The following FBXO21 variants were observed in gnomAD, a reference collection of about 807,000 sequenced individuals.
FBXO21 encodes the protein F-box only protein 21.
In FBXO21, 32 loss-of-function variants were observed where a neutral mutation model predicts 76.6. The ratio of observed to expected loss-of-function variants is 0.42; its 90% CI spans 0.32 to 0.56. FBXO21 has a LOEUF of 0.56. Among genes scored for constraint, FBXO21 ranks in the 20% least tolerant of loss-of-function variants. FBXO21 has a pLI of 0.16. For missense variants in FBXO21, 586 were observed against 797.3 expected, an observed-to-expected ratio of 0.73 and a Z score of 3.19; for synonymous variants, 328 against 311.5, an observed-to-expected ratio of 1.05 and a Z score of -0.56.
chr12:117,159,307 GT>G (rs1384744171), intron 9 of FBXO21, among the ~76,000 whole-genome samples: 11 of 125,128 alleles, frequency 8.8e-5, no homozygotes, highest in African/African-American at 2.9e-4. Flanking sequence ...GGAGGATTAG[GT>G]GGAAAAAAAA....
intron 10 of FBXO21, among the ~76,000 whole-genome samples, chr12:117,157,190 AAAAAAAAG>A (rs1468010019): frequency 1.3e-5 from 2 of 152,180 alleles, no homozygotes; most frequent in East Asian, 1.9e-4. Context: ...CAAAGAAAAA[AAAAAAAAG>A]AAAAAAAGAA....
chr12:117,178,170 A>G (rs113550184), intron 3 of FBXO21, among the ~76,000 whole-genome samples: 41 of 152,104 alleles, frequency 2.7e-4, no homozygotes, highest in African/African-American at 8.7e-4. Flanking sequence ...AGTCACCCTC[A>G]TCTCTGATCA....
In FBXO21 at chr12:117,189,039, G is replaced by C. The variant is rs569752237; in HGVS notation, c.375+188C>G. On this transcript the variant is annotated intron_variant, in intron 2 of 11. Coordinates refer to ENST00000622495, the MANE Select transcript of FBXO21 (RefSeq NM_015002.3). ...GCTTTAGAAAAGTAAAGCTGGCACA[G>C]ACAAATGGCTTCGTGTTGTTGGATA... is the stretch of plus-strand genomic sequence containing the variant. 18 of 669,678 alleles carry C rather than the reference G, an allele frequency of 2.7e-5. No homozygotes were observed. The East Asian group carries it at 4.1e-4, about 15-fold the overall frequency. 41.5% of individuals were successfully genotyped at this position (669,678 alleles called of 1,614,324 possible). A position where few individuals can be genotyped will look rare whatever the true frequency, so the allele number is the denominator to read the frequency against.
At chr12:117,174,128 C>A in intron 6 of FBXO21, 77 bp downstream of exon 6, 8 of 1,198,228 alleles carry the variant, frequency 6.7e-6, no homozygotes, top group Non-Finnish European at 9.8e-6. Context: ...CAGAGCGAGA[C>A]CCTGTCTCTA....
intron 11 of FBXO21, among the ~76,000 whole-genome samples, chr12:117,151,973 T>C (rs1478196604): frequency 6.6e-6 from 1 of 151,876 alleles, no homozygotes; most frequent in African/African-American, 2.4e-5. Flanking sequence ...AGTGAGTCAC[T>C]ATCTTAGCCA....
chr12:117,178,346 C>T (rs553209099), intron 3 of FBXO21, among the ~76,000 whole-genome samples: 2 of 152,276 alleles, frequency 1.3e-5, no homozygotes, highest in African/African-American at 4.8e-5. Context: ...ACACCACCAT[C>T]AGCATTCCTG....
At chr12:117,173,429 G>A (rs1383783237) in intron 6 of FBXO21, among the ~76,000 whole-genome samples, 1 of 152,188 alleles carries the variant, frequency 6.6e-6, no homozygotes, top group African/African-American at 2.4e-5. Flanking sequence ...ACTGTTCCAA[G>A]GAAAAGTGTG....
intron 9 of FBXO21, among the ~76,000 whole-genome samples, chr12:117,158,546 C>A (rs140926831): frequency 6.6e-6 from 1 of 152,126 alleles, no homozygotes; most frequent in Admixed American, 6.5e-5. Context: ...TTGCTTTAAT[C>A]GAGACGAAGA....
intron 8 of FBXO21, among the ~76,000 whole-genome samples, chr12:117,166,557 T>C (rs949955710): frequency 6.6e-6 from 1 of 152,230 alleles, no homozygotes; most frequent in Non-Finnish European, 1.5e-5. Flanking sequence ...AAACTATTAC[T>C]ATAATATAGT....
chr12:117,143,910 A>G lies in FBXO21; in HGVS notation c.*2177T>C, dbSNP rs1263918433. On this transcript the variant is annotated 3_prime_UTR_variant, in exon 12 of 12. Transcript: ENST00000622495. ...ATTGTGAAAGTTCAACGTTTATAACAGGGCTTTTTAAAATGGAGAAAAGTT... is the reference window on the plus strand; with the variant it reads ...ATTGTGAAAGTTCAACGTTTATAACGGGGCTTTTTAAAATGGAGAAAAGTT... The G allele has an allele frequency of 1.3e-5, 2 of 152,704 alleles. No homozygotes were observed. Among genetic ancestry groups the G allele is most frequent in the East Asian group, 3.8e-4 (2 of 5,206 alleles). 9.5% of individuals were successfully genotyped at this position (152,704 alleles called of 1,614,324 possible). A position where few individuals can be genotyped will look rare whatever the true frequency, so the allele number is the denominator to read the frequency against.
rs578097908 is a variant in FBXO21, at chr12:117,173,365, G to A, written c.877-758C>T. On this transcript the variant is annotated intron_variant, in intron 6 of 11. Transcript: ENST00000622495. ...TAATTTACTGCCTGGCCTGTTACAG[G>A]AAAAGTTGGTCAAGCCCTGATTTAG... is the stretch of plus-strand genomic sequence containing the variant. 3.9e-5 allele frequency among the ~76,000 whole-genome samples: 6 copies of A among 152,274 alleles called. No individual in the cohort carries two copies. The South Asian group carries it at 1.2e-3, about 32-fold the overall frequency.
intron 9 of FBXO21, among the ~76,000 whole-genome samples, chr12:117,160,147 C>T (rs1477355813): frequency 2.6e-5 from 4 of 152,168 alleles, no homozygotes; most frequent in Non-Finnish European, 5.9e-5. Context: ...AGAAGAGACA[C>T]TAGGCTTTGG....
In FBXO21 at chr12:117,165,553, G is replaced by C. The variant is rs1270777823; in HGVS notation, c.1258C>G (p.Pro420Ala). 1 of 1,613,950 alleles carries C rather than the reference G, an allele frequency of 6.2e-7. No individual in the cohort carries two copies. Among genetic ancestry groups the C allele is most frequent in the Admixed American group, 1.7e-5 (1 of 60,014 alleles). ...AGGAGGAGAAGCTGCACCTGGTCCG[G>C]GTACATTGCCAGATAGAGATCCAGC... Reference protein sequence around the residue: ...DSLDLYLAMYPDQVQLLLLQA... With the variant: ...DSLDLYLAMYADQVQLLLLQA... The change falls in exon 9 of 12, where the codon CCG becomes GCG. Residue 420 changes from proline (P) to alanine (A), a missense_variant. Pro to Ala is a conservative substitution (Grantham distance 27, BLOSUM62 -1). This residue lies in a region of FBXO21 where 14 missense variants were observed against 18.3 expected (regional missense o/e 0.76). Coordinates refer to ENST00000622495, the MANE Select transcript of FBXO21 (RefSeq NM_015002.3).
chr12:117,158,303 C>T (rs1242957137), intron 9 of FBXO21, among the ~76,000 whole-genome samples: 2 of 152,214 alleles, frequency 1.3e-5, no homozygotes, highest in Middle Eastern at 3.4e-3. Context: ...GCCCAGGATA[C>T]CCCAATTCAA....
At chr12:117,189,765 A>AAAGGG (rs1246553351) in intron 1 of FBXO21, among the ~76,000 whole-genome samples, 5 of 152,168 alleles carry the variant, frequency 3.3e-5, no homozygotes, top group African/African-American at 1.2e-4. Context: ...AGGCTCAAAA[A>AAAGGG]AAGGGAAGTC....
At chr12:117,150,069 G>C (rs966789330) in intron 11 of FBXO21, among the ~76,000 whole-genome samples, 3 of 152,166 alleles carry the variant, frequency 2.0e-5, no homozygotes, top group African/African-American at 7.2e-5. Context: ...CTAAGAAGCA[G>C]AACAGGAAAA....
At chr12:117,186,920 A>T (rs1245474482) in intron 2 of FBXO21, among the ~76,000 whole-genome samples, 1 of 152,218 alleles carries the variant, frequency 6.6e-6, no homozygotes, top group Admixed American at 6.5e-5. Context: ...TGAGGTAAGG[A>T]GTTTGAGACC....
chr12:117,154,162 T>C (rs1955882815), intron 11 of FBXO21: 1 of 152,196 alleles, frequency 6.6e-6, no homozygotes, highest in Non-Finnish European at 1.5e-5. Flanking sequence ...AATGTCCAAA[T>C]CATGTGTTGA....
intron 3 of FBXO21, among the ~76,000 whole-genome samples, chr12:117,185,719 G>C (rs1956275082): frequency 6.6e-6 from 1 of 152,174 alleles, no homozygotes; most frequent in Non-Finnish European, 1.5e-5. Context: ...AGATTATTTT[G>C]TACCGCAATT....
Sources: allele counts gnomAD v4.1 joint callset (sites outside exome capture counted in the v4.1 genomes callset), GRCh38; gene constraint gnomAD v4.1.1; regional missense constraint gnomAD v4.1.1; transcripts MANE v1.5; gene names NCBI Gene and HGNC (gene_info 2026-07-23, HGNC 2026-07-21).